The following STK38 variants were observed in gnomAD, a reference collection of about 807,000 sequenced individuals.
The protein encoded by STK38 is serine/threonine kinase 38.
STK38 carries 26 observed loss-of-function variants against 59.0 expected under a neutral mutation model. That is an observed-to-expected ratio of 0.44 (90% confidence interval 0.32 to 0.61). STK38 has a LOEUF of 0.61. STK38 is among the 20% of genes least tolerant of loss of function. The pLI is 0.04. For missense variants in STK38, 433 were observed against 566.0 expected, an observed-to-expected ratio of 0.76 and a Z score of 2.38; for synonymous variants, 175 against 176.6, an observed-to-expected ratio of 0.99 and a Z score of 0.07.
At chr6:36,506,375 A>C (rs1776962088) in intron 9 of STK38, among the ~76,000 whole-genome samples, 1 of 152,192 alleles carries the variant, frequency 6.6e-6, no homozygotes, top group Admixed American at 6.5e-5. Flanking sequence ...CCCACGGAAA[A>C]TGTCACAATC....
At chr6:36,537,148 T>C (rs192810793) in intron 2 of STK38, among the ~76,000 whole-genome samples, 2 of 152,080 alleles carry the variant, frequency 1.3e-5, no homozygotes, top group Admixed American at 1.3e-4. Context: ...GATGCACAAA[T>C]GGCCAAAAAG....
rs746126744 is a variant in STK38 at position 36,495,815 on chromosome 6, G to GC, written c.1366dup (p.Ala456GlyfsTer42). 6.2e-7 allele frequency: 1 copy of GC among 1,613,976 alleles called. No individual in the cohort carries two copies. The highest frequency in any genetic ancestry group is 1.7e-5 in the Admixed American group (1 of 60,008). The stretch of plus-strand genomic sequence containing the variant: ...TGCTGCTTTCATGTAGGAAGGTATT[G>GC]CCCCCCTTGCAGTCAGGCCCTCAAA... On this transcript the variant is annotated frameshift_variant, in exon 14 of 14. Coordinates refer to ENST00000229812, the MANE Select transcript of STK38 (RefSeq NM_007271.4). LOFTEE classifies it high-confidence loss of function.
At chr6:36,542,384 A>T (rs1777959157) in intron 1 of STK38, among the ~76,000 whole-genome samples, 1 of 152,262 alleles carries the variant, frequency 6.6e-6, no homozygotes, top group African/African-American at 2.4e-5. Context: ...TGGTAGAAGC[A>T]GCAATACCTT....
At chr6:36,513,271 G>C (rs1372222076) in intron 7 of STK38, among the ~76,000 whole-genome samples, 1 of 150,226 alleles carries the variant, frequency 6.7e-6, no homozygotes, top group Non-Finnish European at 1.5e-5. Flanking sequence ...ACCCACCTTG[G>C]CCTCCCAAAG....
chr6:36,500,543 C>T lies in STK38; in HGVS notation c.835-553G>A, dbSNP rs1296273830. ...TTGAGAGGCTGAGGTGGGCGGATCA[C>T]GAGGTCAAGAGATGGAGACCATCCT... On this transcript the variant is annotated intron_variant, in intron 9 of 13. Coordinates refer to ENST00000229812, the MANE Select transcript of STK38 (RefSeq NM_007271.4). Among the ~76,000 whole-genome samples the T allele has an allele frequency of 4.6e-5, 7 of 151,844 alleles. No homozygotes were observed. The South Asian group carries it at 8.3e-4, about 18-fold the overall frequency.
chr6:36,544,609 G>A (rs1778016476), intron 1 of STK38, among the ~76,000 whole-genome samples: 1 of 152,132 alleles, frequency 6.6e-6, no homozygotes, highest in African/African-American at 2.4e-5. Flanking sequence ...AATTTGCCAG[G>A]GCACTGGTGC....
At chr6:36,537,689 G>A (rs923882575) in intron 2 of STK38, among the ~76,000 whole-genome samples, 2 of 151,920 alleles carry the variant, frequency 1.3e-5, no homozygotes, top group African/African-American at 4.8e-5. Context: ...CTTGAACCCC[G>A]GAGTTCGAGA....
chr6:36,495,673 G>A lies in STK38; in HGVS notation c.*111C>T. On this transcript the variant is annotated 3_prime_UTR_variant, in exon 14 of 14. Transcript: ENST00000229812. ...ACCACATTTCAGGAGACTTTACTAT[G>A]ACATATTGGTGGGTTCCATCAACTT... 7.2e-7 allele frequency: 1 copy of A among 1,396,470 alleles called. No individual in the cohort carries two copies. Among genetic ancestry groups the A allele is most frequent in the South Asian group, 1.3e-5 (1 of 74,336 alleles). 86.5% of individuals were successfully genotyped at this position (1,396,470 alleles called of 1,614,324 possible). A position where few individuals can be genotyped will look rare whatever the true frequency, so the allele number is the denominator to read the frequency against.
rs114153700 is a variant in STK38, at chr6:36,517,354, A to G, written c.514+363T>C. On this transcript the variant is annotated intron_variant, in intron 6 of 13. Transcript: ENST00000229812. Reference sequence around the variant, plus strand: ...TATACAAAAAGAAACAAAAATTTGGAGCAAAGGATGTTATAGCTTCAATGT... The same window carrying G: ...TATACAAAAAGAAACAAAAATTTGGGGCAAAGGATGTTATAGCTTCAATGT... Among the ~76,000 whole-genome samples, 1,002 of 152,310 alleles carry G rather than the reference A, an allele frequency of 6.6e-3. 9 individuals carry two copies. The highest frequency in any genetic ancestry group is 0.021 in the African/African-American group (882 of 41,582).
intron 1 of STK38, among the ~76,000 whole-genome samples, chr6:36,546,623 C>T (rs1414642021): frequency 6.6e-6 from 1 of 152,208 alleles, no homozygotes; most frequent in Non-Finnish European, 1.5e-5. Context: ...TAAGCCCTTA[C>T]CGACTTTTTC....
At chr6:36,534,584 T>G (rs1257085276) in intron 2 of STK38, among the ~76,000 whole-genome samples, 2 of 151,622 alleles carry the variant, frequency 1.3e-5, no homozygotes, top group East Asian at 3.9e-4. Context: ...GCCCAGGAGG[T>G]CAAGGCTGCA....
chr6:36,518,764 G>A lies in STK38; in HGVS notation c.391-924C>T, dbSNP rs936583704. 2.0e-5 allele frequency among the ~76,000 whole-genome samples: 3 copies of A among 152,146 alleles called. No individual in the cohort carries two copies. In the East Asian group the frequency reaches 5.8e-4, roughly 29 times the overall value. On this transcript the variant is annotated intron_variant, in intron 5 of 13. Coordinates refer to ENST00000229812, the MANE Select transcript of STK38 (RefSeq NM_007271.4). ...AGTGTCACAAGGTCTAAATTGGGTT[G>A]ATTCAGATCTAAATTTATTAAGACT...
chr6:36,545,289 GAAAAAAAAAAAAAAA>G (rs58104312), intron 1 of STK38, among the ~76,000 whole-genome samples: 5 of 60,522 alleles, frequency 8.3e-5, no homozygotes, highest in African/African-American at 2.0e-4. Flanking sequence ...ACTCCGTCTG[GAAAAAAAAAAAAAAA>G]AAAAAAAAAA....
chr6:36,509,089 A>G (rs1387199954), intron 7 of STK38, among the ~76,000 whole-genome samples: 2 of 152,236 alleles, frequency 1.3e-5, no homozygotes, highest in East Asian at 1.9e-4. Flanking sequence ...CAAGGGAGAC[A>G]TATTTCAGCC....
rs190343382 is a variant in STK38 at position 36,527,329 on chromosome 6, T to C, written c.132-1687A>G. 1.6e-4 allele frequency among the ~76,000 whole-genome samples: 23 copies of C among 145,148 alleles called. No homozygotes were observed. The East Asian group carries it at 2.6e-3, about 16-fold the overall frequency. ...ATACGTATATATACACACATATATATACACACACATATATGTAATATATGT... is the reference window on the plus strand; with the variant it reads ...ATACGTATATATACACACATATATACACACACACATATATGTAATATATGT... On this transcript the variant is annotated intron_variant, in intron 2 of 13. Transcript: ENST00000229812.
intron 7 of STK38, among the ~76,000 whole-genome samples, chr6:36,514,240 C>T (rs1014166199): frequency 4.1e-5 from 6 of 148,122 alleles, no homozygotes; most frequent in Admixed American, 4.0e-4. Flanking sequence ...CCCTTGAACC[C>T]AAGAATTAGA....
rs183994475 is a variant in STK38 at position 36,531,938 on chromosome 6, A to G, written c.132-6296T>C. On this transcript the variant is annotated intron_variant, in intron 2 of 13. Transcript: ENST00000229812. Reference sequence around the variant, plus strand: ...AGGGAAAGAGTTGCATAGCAATGCTAGGAATAACAGATATTTTAAAGGTAC... The same window carrying G: ...AGGGAAAGAGTTGCATAGCAATGCTGGGAATAACAGATATTTTAAAGGTAC... Among the ~76,000 whole-genome samples, 124 of 152,320 alleles carry G rather than the reference A, an allele frequency of 8.1e-4. 1 individual carries two copies. Among genetic ancestry groups the G allele is most frequent in the African/African-American group, 2.9e-3 (121 of 41,564 alleles).
intron 13 of STK38, 79 bp from the exon 14 acceptor site, chr6:36,495,993 T>C: frequency 2.6e-6 from 4 of 1,513,216 alleles, no homozygotes; most frequent in Non-Finnish European, 3.6e-6. Context: ...GACAGGACTA[T>C]GAAGAACACA....
intron 9 of STK38, among the ~76,000 whole-genome samples, chr6:36,504,931 GA>G (rs1304386452): frequency 7.7e-6 from 1 of 129,166 alleles, no homozygotes; most frequent in Admixed American, 7.7e-5. Flanking sequence ...AAGAAAGAAA[GA>G]AAAGAAAGGA....
Sources: gnomAD v4.1 joint callset for allele counts (sites outside exome capture counted in the v4.1 genomes callset) on GRCh38, gnomAD v4.1.1 for gene constraint, MANE v1.5 for transcripts, NCBI Gene and HGNC (gene_info 2026-07-23, HGNC 2026-07-21) for gene names.